ENPP2: variants seen among roughly 807,000 people sequenced by gnomAD.
ENPP2 encodes the protein autotaxin.
Under a neutral mutation model 120.2 loss-of-function variants are expected in ENPP2, and 51 were observed. That is an observed-to-expected ratio of 0.42 (90% CI 0.34 to 0.54). ENPP2 has a LOEUF of 0.54. Among genes scored for constraint, ENPP2 ranks in the 20% least tolerant of loss-of-function variants. ENPP2 has a pLI of 0.04. For synonymous variants in ENPP2, 365 were observed against 366.4 expected (o/e 1.00, Z 0.04); for missense variants, 920 against 1,066.5 (o/e 0.86, Z 1.91).
At chr8:119,657,116 G>A (rs1433893508) in intron 1 of ENPP2, among the ~76,000 whole-genome samples, 1 of 151,964 alleles carries the variant, frequency 6.6e-6, no homozygotes, top group Non-Finnish European at 1.5e-5. Flanking sequence ...GTAGAGTCAG[G>A]GTTTCACCAT....
At chr8:119,663,082 A>T (rs1476373524) in intron 1 of ENPP2, among the ~76,000 whole-genome samples, 1 of 149,942 alleles carries the variant, frequency 6.7e-6, no homozygotes, top group African/African-American at 2.5e-5. Flanking sequence ...ACGCCGCTGC[A>T]CTCCAGCCTG....
At chr8:119,646,079 C>T (rs960626465) in intron 1 of ENPP2, among the ~76,000 whole-genome samples, 2 of 151,848 alleles carry the variant, frequency 1.3e-5, no homozygotes, top group Non-Finnish European at 2.9e-5. Flanking sequence ...AGCGATTCTC[C>T]TGCCTCAGCC....
chr8:119,656,874 A>C (rs1817777359), intron 1 of ENPP2, among the ~76,000 whole-genome samples: 1 of 152,184 alleles, frequency 6.6e-6, no homozygotes, highest in South Asian at 2.1e-4. Flanking sequence ...CCATCTATTA[A>C]GGTAGTTATA....
At chr8:119,573,408 T>TTAA (rs543356755) in intron 19 of ENPP2, among the ~76,000 whole-genome samples, 1 of 124,386 alleles carries the variant, frequency 8.0e-6, no homozygotes, top group African/African-American at 3.4e-5. Context: ...CTCCGTCTCT[T>TTAA]AAAAAAAAAA....
intron 7 of ENPP2, 34 bp from the exon 8 acceptor site, chr8:119,616,418 C>A: frequency 6.6e-7 from 1 of 1,511,250 alleles, no homozygotes; most frequent in Non-Finnish European, 9.1e-7. Flanking sequence ...GTTAAAATAA[C>A]AATACAATAA....
At chr8:119,569,457 G>A in intron 20 of ENPP2, 87 bp from the exon 21 acceptor site, 2 of 1,244,816 alleles carry the variant, frequency 1.6e-6, no homozygotes, top group South Asian at 1.4e-5. Context: ...TCCTATGCTT[G>A]TATTCTGATT....
intron 19 of ENPP2, among the ~76,000 whole-genome samples, chr8:119,578,723 G>A (rs904329178): frequency 6.6e-6 from 1 of 152,196 alleles, no homozygotes. Flanking sequence ...GTTTGTGAAA[G>A]ATTTGTGTGC....
rs58435393 is a variant in ENPP2 at position 119,659,334 on chromosome 8, A to AAAAAAAAAAAAAAAAAAAC, written c.21+13917_21+13918insGTTTTTTTTTTTTTTTTTT. ...TCTGTCTCAATTAAAAAAAAAAAAA[A>AAAAAAAAAAAAAAAAAAAC]AAACCAGAGTTCTTAAGAATTTTCT... is the stretch of plus-strand genomic sequence containing the variant. On this transcript the variant is annotated intron_variant, in intron 1 of 25. Transcript: ENST00000427067. Among the ~76,000 whole-genome samples the AAAAAAAAAAAAAAAAAAAC allele has an allele frequency of 1.3e-4, 17 of 130,730 alleles. 1 individual carries two copies. Among genetic ancestry groups the AAAAAAAAAAAAAAAAAAAC allele is most frequent in the East Asian group, 2.5e-4 (1 of 3,990 alleles). The allele number at this position is 130,730 out of a possible 152,430, so 85.8% of individuals were successfully genotyped here. A position where few individuals can be genotyped will look rare whatever the true frequency, so the allele number is the denominator to read the frequency against.
At chr8:119,669,257 C>G (rs961751088) in intron 1 of ENPP2, among the ~76,000 whole-genome samples, 1 of 152,206 alleles carries the variant, frequency 6.6e-6, no homozygotes, top group Non-Finnish European at 1.5e-5. Context: ...AGCCCATATG[C>G]ACTTTTCTAA....
At chr8:119,566,423 C>T (rs960493893) in intron 22 of ENPP2, among the ~76,000 whole-genome samples, 6 of 152,306 alleles carry the variant, frequency 3.9e-5, no homozygotes, top group Middle Eastern at 3.4e-3. Context: ...AATTGCTCTT[C>T]CTGCCTTCTG....
At chr8:119,585,730 T>G (rs1015447233) in intron 15 of ENPP2, among the ~76,000 whole-genome samples, 1 of 152,124 alleles carries the variant, frequency 6.6e-6, no homozygotes, top group African/African-American at 2.4e-5. Flanking sequence ...TTTAAAGCAA[T>G]GTAAAAAGTG....
chr8:119,566,136 A>G (rs1337286918), intron 22 of ENPP2, among the ~76,000 whole-genome samples: 1 of 152,126 alleles, frequency 6.6e-6, no homozygotes, highest in East Asian at 1.9e-4. Context: ...TTTCTCCTCT[A>G]TAATTCTTTC....
At chr8:119,621,997 C>T (rs555080750) in intron 3 of ENPP2, among the ~76,000 whole-genome samples, 306 of 152,238 alleles carry the variant, frequency 2.0e-3, no homozygotes, top group Non-Finnish European at 2.9e-3. Context: ...GGCGCAATCT[C>T]GGCTCACTGT....
At chr8:119,583,353 C>G (rs1349275811) in intron 17 of ENPP2, among the ~76,000 whole-genome samples, 1 of 152,316 alleles carries the variant, frequency 6.6e-6, no homozygotes, top group Middle Eastern at 3.4e-3. Flanking sequence ...AGGATGCAAG[C>G]TGGCAACATT....
At chr8:119,593,427 T>C (rs1813677373) in intron 12 of ENPP2, among the ~76,000 whole-genome samples, 1 of 152,146 alleles carries the variant, frequency 6.6e-6, no homozygotes, top group South Asian at 2.1e-4. Context: ...TATCACCTGA[T>C]ATGTCACATT....
chr8:119,666,819 T>C (rs1818087659), intron 1 of ENPP2, among the ~76,000 whole-genome samples: 1 of 151,528 alleles, frequency 6.6e-6, no homozygotes, highest in Non-Finnish European at 1.5e-5. Flanking sequence ...GCATTTGATT[T>C]AGATTAGGAC....
chr8:119,568,863 T>C (rs1021263888), intron 21 of ENPP2, among the ~76,000 whole-genome samples: 3 of 152,196 alleles, frequency 2.0e-5, no homozygotes, highest in Non-Finnish European at 4.4e-5. Context: ...CCTCCCAAAG[T>C]GCTGGAATTA....
chr8:119,590,357 A>G (rs531459791), intron 13 of ENPP2, 148 bp downstream of exon 13: 1 of 495,452 alleles, frequency 2.0e-6, no homozygotes, highest in Non-Finnish European at 3.5e-6. Context: ...ACTGAGGCTT[A>G]GAGTCTAAAT....
chr8:119,604,422 A>T (rs1358058575), intron 9 of ENPP2, among the ~76,000 whole-genome samples: 1 of 152,238 alleles, frequency 6.6e-6, no homozygotes, highest in Non-Finnish European at 1.5e-5. Context: ...CCAAAAGGAC[A>T]TGGCCCTTAG....
Sources: allele counts gnomAD v4.1 joint callset (sites outside exome capture counted in the v4.1 genomes callset), GRCh38; gene constraint gnomAD v4.1.1; transcripts MANE v1.5; gene names NCBI Gene and HGNC (gene_info 2026-07-23, HGNC 2026-07-21).